The following ATXN1 variants were observed in gnomAD, a reference collection of about 807,000 sequenced individuals.
ATXN1 encodes the protein ataxin-1.
In ATXN1, 8 loss-of-function variants were observed where a neutral mutation model predicts 56.4. That is an observed-to-expected ratio of 0.14 (90% CI 0.08 to 0.26). The LOEUF is 0.26. Ranked by LOEUF, ATXN1 falls within the 10% of genes least tolerant of loss-of-function variation. The probability of loss-of-function intolerance (pLI) is 1.00; values close to 1 mark genes in which losing one functional copy is unlikely to be tolerated. For synonymous variants in ATXN1, 514 were observed against 494.6 expected, an observed-to-expected ratio of 1.04 and a Z score of -0.52; for missense variants, 987 against 1,106.5, an observed-to-expected ratio of 0.89 and a Z score of 1.53.
chr6:16,616,952 T>C (rs948432402), intron 3 of ATXN1, among the ~76,000 whole-genome samples: 6 of 151,816 alleles, frequency 4.0e-5, no homozygotes, highest in African/African-American at 1.2e-4. Flanking sequence ...TATTTTTATA[T>C]AAGTATTTTA....
intron 2 of ATXN1, among the ~76,000 whole-genome samples, chr6:16,745,249 C>A (rs886817041): frequency 6.6e-6 from 1 of 152,150 alleles, no homozygotes; most frequent in African/African-American, 2.4e-5. Flanking sequence ...TAGTATTGAG[C>A]CTTCTGATGT....
In ATXN1 at chr6:16,328,331, C is replaced by T; in HGVS notation, c.-21G>A. Reference sequence around the variant, plus strand: ...TTCATTTTTCGCCGTCCCCCCTCCACGGTGACTGTTTCACTGTCTGGATGG... The same window carrying T: ...TTCATTTTTCGCCGTCCCCCCTCCATGGTGACTGTTTCACTGTCTGGATGG... On this transcript the variant is annotated 5_prime_UTR_variant, in exon 7 of 8. The change creates a new upstream start codon in the 5' untranslated region. Transcript: ENST00000436367. This position sits in a 1 kb window ranked among gnomAD's most constrained non-coding sequence, Gnocchi z 6.2. 1.3e-6 allele frequency: 2 copies of T among 1,494,874 alleles called. No individual in the cohort carries two copies. Among genetic ancestry groups the T allele is most frequent in the Non-Finnish European group, 1.8e-6 (2 of 1,128,278 alleles). 92.6% of individuals were successfully genotyped at this position (1,494,874 alleles called of 1,614,324 possible). A position where few individuals can be genotyped will look rare whatever the true frequency, so the allele number is the denominator to read the frequency against.
intron 4 of ATXN1, among the ~76,000 whole-genome samples, chr6:16,525,500 T>G (rs546672960): frequency 6.6e-6 from 1 of 150,514 alleles, no homozygotes. Context: ...ACACAGAGAG[T>G]AGGAGGATGG....
At chr6:16,723,755 A>G (rs1254790199) in intron 2 of ATXN1, among the ~76,000 whole-genome samples, 2 of 151,338 alleles carry the variant, frequency 1.3e-5, no homozygotes, top group African/African-American at 4.9e-5. Context: ...AATTACAAAG[A>G]ATCTGACATT....
chr6:16,622,366 A>ATGG lies in ATXN1; in HGVS notation c.-489+35407_-489+35409dup, dbSNP rs958310739. ...GGAGATGGTGATGATGATGATGACC[A>ATGG]TGGTGGTGGTGGTGGTGGTTGGTGG... On this transcript the variant is annotated intron_variant, in intron 3 of 7. Transcript: ENST00000436367. Among the ~76,000 whole-genome samples the ATGG allele has an allele frequency of 1.3e-4, 20 of 152,142 alleles. 1 individual carries two copies. The highest frequency in any genetic ancestry group is 9.8e-4 in the Admixed American group (15 of 15,270).
intron 3 of ATXN1, among the ~76,000 whole-genome samples, chr6:16,639,204 G>A (rs1298656010): frequency 6.6e-6 from 1 of 152,180 alleles, no homozygotes; most frequent in Non-Finnish European, 1.5e-5. Context: ...ACCCGCTCGG[G>A]TCCCCTTCCA....
chr6:16,411,470 C>T (rs1469652184), intron 6 of ATXN1, among the ~76,000 whole-genome samples: 1 of 151,916 alleles, frequency 6.6e-6, no homozygotes, highest in Non-Finnish European at 1.5e-5. Flanking sequence ...TTGGTGCCAA[C>T]TGGAAAAAGT....
At chr6:16,346,658 T>G (rs533238032) in intron 6 of ATXN1, among the ~76,000 whole-genome samples, 35 of 152,320 alleles carry the variant, frequency 2.3e-4, no homozygotes, top group African/African-American at 8.2e-4. Flanking sequence ...TCTCCCTCTT[T>G]TTTGTCGCCG....
rs548709837 is a variant in ATXN1, at chr6:16,510,418, A to C, written c.-299+12209T>G. Among the ~76,000 whole-genome samples the C allele has an allele frequency of 4.9e-4, 75 of 152,332 alleles. No individual in the cohort carries two copies. The East Asian group carries it at 0.01, about 20-fold the overall frequency. ...CAAACATAACTTACATAACTCATTCAAAGATCATTGTGAGTGACTAATGCT... is the reference window on the plus strand; with the variant it reads ...CAAACATAACTTACATAACTCATTCCAAGATCATTGTGAGTGACTAATGCT... On this transcript the variant is annotated intron_variant, in intron 5 of 7. Transcript: ENST00000436367.
chr6:16,607,362 A>G (rs572045228), intron 3 of ATXN1, among the ~76,000 whole-genome samples: 1 of 152,360 alleles, frequency 6.6e-6, no homozygotes, highest in Non-Finnish European at 1.5e-5. Flanking sequence ...GGAAACCTGG[A>G]CATATAAGGG....
At chr6:16,318,385 T>C (rs771052799) in intron 7 of ATXN1, among the ~76,000 whole-genome samples, 1 of 152,226 alleles carries the variant, frequency 6.6e-6, no homozygotes, top group Non-Finnish European at 1.5e-5. Flanking sequence ...CATTCTTAAC[T>C]TTGTCTGCAA....
At chr6:16,423,365 T>C (rs919330067) in intron 6 of ATXN1, among the ~76,000 whole-genome samples, 3 of 152,230 alleles carry the variant, frequency 2.0e-5, no homozygotes, top group African/African-American at 7.2e-5. Flanking sequence ...CATCAATCAG[T>C]CAACCAACCA....
intron 3 of ATXN1, among the ~76,000 whole-genome samples, chr6:16,586,236 A>T (rs1762621941): frequency 6.6e-6 from 1 of 152,142 alleles, no homozygotes; most frequent in Non-Finnish European, 1.5e-5. Context: ...CTGCTCAATG[A>T]TTCTAAGATT....
chr6:16,377,558 C>A (rs962668259), intron 6 of ATXN1, among the ~76,000 whole-genome samples: 1 of 152,102 alleles, frequency 6.6e-6, no homozygotes, highest in Admixed American at 6.5e-5. Context: ...CATGGTCTCG[C>A]GGGGAGACAG....
chr6:16,334,647 G>T (rs927301411), intron 6 of ATXN1, among the ~76,000 whole-genome samples: 24 of 152,154 alleles, frequency 1.6e-4, no homozygotes, highest in Admixed American at 1.6e-3. Flanking sequence ...AGCCCAGGAG[G>T]TTGAGGCTGC....
chr6:16,586,769 C>T (rs1345335273), intron 3 of ATXN1, among the ~76,000 whole-genome samples: 1 of 152,120 alleles, frequency 6.6e-6, no homozygotes, highest in Admixed American at 6.6e-5. Context: ...GCCTGTAATC[C>T]CAGCACTTTG....
intron 6 of ATXN1, among the ~76,000 whole-genome samples, chr6:16,459,561 T>TG (rs1759949278): frequency 6.6e-6 from 1 of 152,172 alleles, no homozygotes; most frequent in Admixed American, 6.5e-5. Flanking sequence ...CCCTATACCC[T>TG]GCTCTCTCAA....
At chr6:16,368,138 C>G (rs1361589155) in intron 6 of ATXN1, among the ~76,000 whole-genome samples, 6 of 151,510 alleles carry the variant, frequency 4.0e-5, no homozygotes, top group Admixed American at 1.3e-4. Flanking sequence ...CCACTGCACT[C>G]CAGCCTGGGA....
rs1236957623 is a variant in ATXN1 at position 16,327,748 on chromosome 6, C to G, written c.563G>C (p.Ser188Thr). ...STLLANMGSL[S>T]QTPGHKAEQQ... ...CTCAGCCTTGTGTCCCGGCGTCTGG[C>G]TCAGACTGCCCATGTTGGCCAGCAG... is the stretch of plus-strand genomic sequence containing the variant. Residue 188 changes from serine (S) to threonine (T), a missense_variant, in exon 7 of 8, where the codon AGC becomes ACC. This residue lies in a region of ATXN1 where 723 missense variants were observed against 791.7 expected (regional missense o/e 0.91). Coordinates refer to ENST00000436367, the MANE Select transcript of ATXN1 (RefSeq NM_001128164.2). 6.2e-7 allele frequency: 1 copy of G among 1,606,442 alleles called. No homozygotes were observed. The highest frequency in any genetic ancestry group is 1.3e-5 in the African/African-American group (1 of 74,512).
Sources: allele counts gnomAD v4.1 joint callset (sites outside exome capture counted in the v4.1 genomes callset), GRCh38; gene constraint gnomAD v4.1.1; regional missense constraint gnomAD v4.1.1; non-coding constraint Gnocchi (gnomAD v3.1); transcripts MANE v1.5; gene names NCBI Gene and HGNC (gene_info 2026-07-23, HGNC 2026-07-21).